Variants in POLE observed in about 807,000 individuals in gnomAD.
The protein encoded by POLE is DNA polymerase epsilon catalytic subunit A.
Under a neutral mutation model 279.2 loss-of-function variants are expected in POLE, and 188 were observed. The observed-to-expected ratio is 0.67, with a 90% CI of 0.60 to 0.76. The LOEUF is 0.76. Among genes scored for constraint, POLE ranks in the 30% least tolerant of loss-of-function variants. POLE has a pLI of 0.00. For synonymous variants in POLE, 1,214 were observed against 1,172.5 expected (o/e 1.04, Z -0.72); for missense variants, 2,703 against 3,016.7 (o/e 0.90, Z 2.44).
Position 132,677,399 on chromosome 12 carries a change from T to C in POLE, c.765A>G (p.Val255=), listed in dbSNP as rs898919469. The change falls in exon 8 of 49, where the codon GTA becomes GTG. Residue 255 remains valine (V), a synonymous_variant. Transcript: ENST00000320574. ...CAAGGTCATCTCGGCGGGTGATTTCTACCGGAAAAGCATTTCCTCGGTATC... is the reference window on the plus strand; with the variant it reads ...CAAGGTCATCTCGGCGGGTGATTTCCACCGGAAAAGCATTTCCTCGGTATC... ...NVRYRGNAFP[V]EITRRDDLVE... 5.6e-6 allele frequency: 9 copies of C among 1,614,036 alleles called. No homozygotes were observed. Among genetic ancestry groups the C allele is most frequent in the Non-Finnish European group, 7.6e-6 (9 of 1,180,002 alleles).
intron 9 of POLE, 118 bp from the exon 10 acceptor site, chr12:132,676,322 T>C (rs1341301112): frequency 6.5e-6 from 5 of 772,848 alleles, no homozygotes; most frequent in Admixed American, 2.4e-5. Flanking sequence ...TCCACAGCAA[T>C]GTGAAAGTGC....
chr12:132,644,123 C>G (rs888501817), intron 32 of POLE, 146 bp from the exon 33 acceptor site: 1 of 669,904 alleles, frequency 1.5e-6, no homozygotes, highest in African/African-American at 1.8e-5. Flanking sequence ...CCACCTCTCT[C>G]AATGATTACA....
Position 132,665,397 on chromosome 12 carries a change from C to T in POLE, c.2373G>A (p.Val791=), listed in dbSNP as rs910638587. ...AAVEVGDAAE[V]KRCKNMEVLY... ...GCACCTCCATGTTCTTGCAGCGCTT[C>T]ACCTCAGCCGCGTCGCCCACCTCCA... Residue 791 remains valine, a synonymous_variant, in exon 21 of 49, where the codon GTG becomes GTA. Transcript: ENST00000320574. 1 of 1,613,728 alleles carries T rather than the reference C, an allele frequency of 6.2e-7. No homozygotes were observed. Among genetic ancestry groups the T allele is most frequent in the Admixed American group, 1.7e-5 (1 of 60,008 alleles).
intron 39 of POLE, 169 bp downstream of exon 39, chr12:132,641,478 A>G (rs2138521571): frequency 3.2e-6 from 2 of 626,494 alleles, no homozygotes; most frequent in Non-Finnish European, 5.6e-6. Context: ...GGACCCCCAC[A>G]GTGGTAAAGA....
intron 45 of POLE, among the ~76,000 whole-genome samples, chr12:132,628,480 TA>T (rs2041877658): frequency 6.6e-6 from 1 of 152,000 alleles, no homozygotes; most frequent in East Asian, 1.9e-4. Flanking sequence ...CTGTCTCTAT[TA>T]AAAATACAAA....
chr12:132,641,148 G>C (rs1014960547), intron 39 of POLE: 2 of 443,632 alleles, frequency 4.5e-6, no homozygotes, highest in African/African-American at 4.0e-5. Flanking sequence ...CGAAGTGCTC[G>C]GCCCACCTCC....
chr12:132,625,566 C>A lies in POLE; in HGVS notation c.6657+79G>T, dbSNP rs368372716. The A allele has an allele frequency of 1.5e-4, 243 of 1,573,768 alleles. No homozygotes were observed. The South Asian group carries it at 2.6e-3, about 17-fold the overall frequency. On this transcript the variant is annotated intron_variant, in intron 47 of 48. Coordinates refer to ENST00000320574, the MANE Select transcript of POLE (RefSeq NM_006231.4). ...ACCAGGGCGTGCCTCAGGACCTGCA[C>A]ACACCCCGGCTCCCGGGAGTGCACA...
intron 23 of POLE, among the ~76,000 whole-genome samples, chr12:132,663,199 C>T (rs2042717104): frequency 6.6e-6 from 1 of 152,204 alleles, no homozygotes; most frequent in South Asian, 2.1e-4. Context: ...TGACAGCCCT[C>T]CTCCAGGGAC....
At position 132,624,994 on chromosome 12, in the gene POLE, C is replaced by T. The variant is rs1060500804; in HGVS notation, c.6658G>A (p.Val2220Ile). The T allele has an allele frequency of 1.2e-6, 2 of 1,613,272 alleles. No individual in the cohort carries two copies. Among genetic ancestry groups the T allele is most frequent in the East Asian group, 2.2e-5 (1 of 44,888 alleles). The change falls in exon 48 of 49, where the codon GTC (valine) becomes ATC (isoleucine). Residue 2220 changes from valine (V) to isoleucine (I), a missense_variant and splice_region_variant. Physicochemically the swap from Val to Ile is conservative, Grantham distance 29. This residue lies in a region of POLE where 1,551 missense variants were observed against 1,686.1 expected (regional missense o/e 0.92). Transcript: ENST00000320574. ...TTCACCCCGCGGCACTTCAGGCAGA[C>T]CTGAAAGGGAGCAGCCCCGATGGGC... Reference protein sequence around the residue: ...KLMAFTLQDLVCLKCRGVKET... With the variant: ...KLMAFTLQDLICLKCRGVKET...
chr12:132,673,837 A>C (rs928593445), intron 12 of POLE, 130 bp from the exon 13 acceptor site: 7 of 981,834 alleles, frequency 7.1e-6, no homozygotes, highest in Middle Eastern at 2.2e-4. Flanking sequence ...GCCTCACACC[A>C]AGGCCCCACA....
chr12:132,659,701 T>C, intron 25 of POLE, 192 bp from the exon 26 acceptor site: 1 of 583,294 alleles, frequency 1.7e-6, no homozygotes, highest in Non-Finnish European at 3.0e-6. Flanking sequence ...TTAGCTTTTA[T>C]ATTTTTTTTG....
In POLE at chr12:132,634,025, G is replaced by A; in HGVS notation, c.6004+161C>T. The A allele has an allele frequency of 1.5e-6, 1 of 654,712 alleles. No individual in the cohort carries two copies. The highest frequency in any genetic ancestry group is 2.7e-6 in the Non-Finnish European group (1 of 376,672). The allele number at this position is 654,712 out of a possible 1,614,324, so 40.6% of individuals were successfully genotyped here. ...TCCAGTGGAACATGCCTGGAGCCTG[G>A]AGAGGAGGCCCCTCGGCTCACAAAG... On this transcript the variant is annotated intron_variant, in intron 43 of 48. Transcript: ENST00000320574. This position sits in a 1 kb window ranked among gnomAD's most constrained non-coding sequence, Gnocchi z 4.0.
intron 31 of POLE, 103 bp downstream of exon 31, chr12:132,649,203 G>T: frequency 2.7e-6 from 4 of 1,497,818 alleles, no homozygotes; most frequent in Non-Finnish European, 3.7e-6. Context: ...GAAACTCCAG[G>T]CCCACTCTAA....
At chr12:132,631,771 C>T (rs1044774265) in intron 45 of POLE, among the ~76,000 whole-genome samples, 6 of 152,204 alleles carry the variant, frequency 3.9e-5, no homozygotes, top group Non-Finnish European at 5.9e-5. Context: ...TCCTCCCAGC[C>T]GGTGGCACTG....
rs1455726552 is a variant in POLE at position 132,664,254 on chromosome 12, G to C, written c.2562-106C>G. Reference sequence around the variant, plus strand: ...CTTCCTGCCCAGTGTGTGGCCTCCAGCCTTCCCTCCTTCCTTCCTGCCCAG... The same window carrying C: ...CTTCCTGCCCAGTGTGTGGCCTCCACCCTTCCCTCCTTCCTTCCTGCCCAG... On this transcript the variant is annotated intron_variant, in intron 22 of 48. Coordinates refer to ENST00000320574, the MANE Select transcript of POLE (RefSeq NM_006231.4). This position sits in a 1 kb window ranked among gnomAD's most constrained non-coding sequence, Gnocchi z 5.3. The C allele has an allele frequency of 5.0e-6, 6 of 1,204,340 alleles. No homozygotes were observed. The highest frequency in any genetic ancestry group is 1.2e-6 in the Non-Finnish European group (1 of 825,526). 74.6% of individuals were successfully genotyped at this position (1,204,340 alleles called of 1,614,324 possible). A position where few individuals can be genotyped will look rare whatever the true frequency, so the allele number is the denominator to read the frequency against.
chr12:132,639,314 C>T lies in POLE; in HGVS notation c.5379-16G>A, dbSNP rs2042095361. 2 of 1,612,906 alleles carry T rather than the reference C, an allele frequency of 1.2e-6. No individual in the cohort carries two copies. The highest frequency in any genetic ancestry group is 2.7e-5 in the African/African-American group (2 of 75,008). On this transcript the variant is annotated splice_polypyrimidine_tract_variant and intron_variant, in intron 39 of 48. Coordinates refer to ENST00000320574, the MANE Select transcript of POLE (RefSeq NM_006231.4). This position sits in a 1 kb window ranked among gnomAD's most constrained non-coding sequence, Gnocchi z 4.7. ...CTTCAGGATCCTGAAAGAGAAGGTG[C>T]ACGACACCCTCGTACCCTCAGCCTC...
At chr12:132,671,787 G>C (rs1184993271) in intron 16 of POLE, among the ~76,000 whole-genome samples, 2 of 151,120 alleles carry the variant, frequency 1.3e-5, no homozygotes, top group African/African-American at 4.9e-5. Flanking sequence ...CACTTTGTAA[G>C]TGTGCTTTCT....
chr12:132,632,833 G>A, intron 43 of POLE, 38 bp from the exon 44 acceptor site: 2 of 1,557,654 alleles, frequency 1.3e-6, no homozygotes, highest in East Asian at 2.3e-5. Flanking sequence ...CCTGAGTCGG[G>A]CTGCTGCAAA....
chr12:132,626,325 G>T lies in POLE; in HGVS notation c.6331-8C>A, dbSNP rs769766403. On this transcript the variant is annotated splice_polypyrimidine_tract_variant and splice_region_variant and intron_variant, in intron 45 of 48. Transcript: ENST00000320574. ...GGTGTCCAGGGACAGCACCTGCAGAGACCACAGCCCACATCGGGAAGGAGC... is the reference window on the plus strand; with the variant it reads ...GGTGTCCAGGGACAGCACCTGCAGATACCACAGCCCACATCGGGAAGGAGC... 5 of 1,613,316 alleles carry T rather than the reference G, an allele frequency of 3.1e-6. No homozygotes were observed.
Sources: gnomAD v4.1 joint callset for allele counts (sites outside exome capture counted in the v4.1 genomes callset) on GRCh38, gnomAD v4.1.1 for gene constraint, gnomAD v4.1.1 regional missense constraint, Gnocchi (gnomAD v3.1) non-coding constraint, MANE v1.5 for transcripts, NCBI Gene and HGNC (gene_info 2026-07-23, HGNC 2026-07-21) for gene names.